CDH20: variants seen among roughly 807,000 people sequenced by gnomAD.
The protein encoded by CDH20 is cadherin 20, also known as cadherin-20.
Under a neutral mutation model 74.2 loss-of-function variants are expected in CDH20, and 29 were observed. The ratio of observed to expected loss-of-function variants is 0.39; its 90% CI spans 0.29 to 0.53. The LOEUF is 0.53. Among genes scored for constraint, CDH20 ranks in the 20% least tolerant of loss-of-function variants. The pLI, the probability that CDH20 is intolerant of heterozygous loss-of-function variation, is 0.69. For synonymous variants in CDH20, 469 were observed against 405.4 expected (o/e 1.16, Z -1.88); for missense variants, 988 against 1,048.3 (o/e 0.94, Z 0.79).
At chr18:61,514,671 G>A (rs1209234900) in intron 6 of CDH20, among the ~76,000 whole-genome samples, 7 of 149,974 alleles carry the variant, frequency 4.7e-5, no homozygotes, top group Non-Finnish European at 1.0e-4. Flanking sequence ...TGTACAGATG[G>A]GTTTTTGGTG....
intron 1 of CDH20, among the ~76,000 whole-genome samples, chr18:61,373,178 A>G (rs1026994182): frequency 6.6e-6 from 1 of 152,042 alleles, no homozygotes; most frequent in Non-Finnish European, 1.5e-5. Flanking sequence ...ACAGATGAAA[A>G]AAAAAAAGAA....
chr18:61,504,333 T>C (rs747079099), intron 5 of CDH20, among the ~76,000 whole-genome samples: 1 of 152,150 alleles, frequency 6.6e-6, no homozygotes, highest in Non-Finnish European at 1.5e-5. Flanking sequence ...TGAGGAAACA[T>C]GGACTTCTGC....
chr18:61,411,387 AG>A (rs1272878120), intron 1 of CDH20, among the ~76,000 whole-genome samples: 1 of 152,150 alleles, frequency 6.6e-6, no homozygotes, highest in Non-Finnish European at 1.5e-5. Flanking sequence ...CATTTGATCC[AG>A]CAATCCCACT....
intron 6 of CDH20, among the ~76,000 whole-genome samples, chr18:61,518,165 C>A (rs953620159): frequency 6.6e-6 from 1 of 152,142 alleles, no homozygotes; most frequent in African/African-American, 2.4e-5. Flanking sequence ...GAAAAAACAC[C>A]TGGGGGAAGG....
chr18:61,495,490 G>A (rs534883816), intron 2 of CDH20, among the ~76,000 whole-genome samples: 7 of 152,126 alleles, frequency 4.6e-5, no homozygotes, highest in African/African-American at 1.4e-4. Flanking sequence ...TCTGCCTGCC[G>A]GTAGAAGGTA....
intron 1 of CDH20, among the ~76,000 whole-genome samples, chr18:61,424,052 G>A (rs948029816): frequency 8.5e-5 from 13 of 152,152 alleles, no homozygotes; most frequent in Non-Finnish European, 1.3e-4. Context: ...ATGCAGACTT[G>A]AGTATATGCA....
intron 1 of CDH20, among the ~76,000 whole-genome samples, chr18:61,406,743 A>T (rs1912342540): frequency 6.6e-6 from 1 of 152,228 alleles, no homozygotes; most frequent in Non-Finnish European, 1.5e-5. Flanking sequence ...AAAGCGGAGG[A>T]ATTCAGGCAG....
Position 61,353,068 on chromosome 18 carries a change from T to A in CDH20, c.-153+19241T>A, listed in dbSNP as rs1036150272. Among the ~76,000 whole-genome samples the A allele has an allele frequency of 6.6e-6, 1 of 152,192 alleles. No homozygotes were observed. Among genetic ancestry groups the A allele is most frequent in the Non-Finnish European group, 1.5e-5 (1 of 68,032 alleles). On this transcript the variant is annotated intron_variant, in intron 1 of 11. Coordinates refer to ENST00000262717, the MANE Select transcript of CDH20 (RefSeq NM_031891.4). The surrounding 1 kb of genome is among the most constrained non-coding windows in gnomAD (Gnocchi z 4.6). Reference sequence around the variant, plus strand: ...GCAACCTTCACATGCTGTCCATAGCTTCTATTTTATGGCTACCCTGGTCAC... The same window carrying A: ...GCAACCTTCACATGCTGTCCATAGCATCTATTTTATGGCTACCCTGGTCAC...
At chr18:61,487,550 T>C (rs540873494) in intron 1 of CDH20, among the ~76,000 whole-genome samples, 11 of 152,298 alleles carry the variant, frequency 7.2e-5, no homozygotes, top group Middle Eastern at 3.4e-3. Context: ...CTTTGTGATT[T>C]GGGGTGTGTA....
At chr18:61,401,264 C>A (rs917849059) in intron 1 of CDH20, among the ~76,000 whole-genome samples, 1 of 152,100 alleles carries the variant, frequency 6.6e-6, no homozygotes, top group Admixed American at 6.6e-5. Flanking sequence ...CCCAACCTAT[C>A]CTTTGAAAAA....
chr18:61,555,584 T>G lies in CDH20; in HGVS notation c.*889T>G, dbSNP rs1278733426. 1 of 985,126 alleles carries G rather than the reference T, an allele frequency of 1.0e-6. No individual in the cohort carries two copies. Among genetic ancestry groups the G allele is most frequent in the Non-Finnish European group, 1.2e-6 (1 of 829,762 alleles). 61.0% of individuals were successfully genotyped at this position (985,126 alleles called of 1,614,324 possible). A position where few individuals can be genotyped will look rare whatever the true frequency, so the allele number is the denominator to read the frequency against. ...GGTTAGAGGGCTTTCCTAATCTGTG[T>G]GAGGTCAATCCAAGGGATGTTTACA... On this transcript the variant is annotated 3_prime_UTR_variant, in exon 12 of 12. Coordinates refer to ENST00000262717, the MANE Select transcript of CDH20 (RefSeq NM_031891.4).
chr18:61,403,593 A>G (rs928219560), intron 1 of CDH20, among the ~76,000 whole-genome samples: 4 of 152,172 alleles, frequency 2.6e-5, no homozygotes, highest in Non-Finnish European at 5.9e-5. Flanking sequence ...CAGGCTGAGA[A>G]GCACTGTAGC....
At chr18:61,469,831 A>T (rs1440623371) in intron 1 of CDH20, among the ~76,000 whole-genome samples, 1 of 152,240 alleles carries the variant, frequency 6.6e-6, no homozygotes, top group Non-Finnish European at 1.5e-5. Flanking sequence ...ACATACACAC[A>T]TGCTTACTAC....
chr18:61,550,709 T>C (rs1399781225), intron 11 of CDH20, among the ~76,000 whole-genome samples: 3 of 152,166 alleles, frequency 2.0e-5, no homozygotes, highest in African/African-American at 7.2e-5. Flanking sequence ...CTATATACAC[T>C]GGGCACCCCT....
chr18:61,498,253 A>G (rs1253361934), intron 2 of CDH20, among the ~76,000 whole-genome samples: 1 of 152,054 alleles, frequency 6.6e-6, no homozygotes, highest in Non-Finnish European at 1.5e-5. Context: ...TATAAAAACT[A>G]GCCAGGCATT....
At chr18:61,527,839 C>G in intron 6 of CDH20, 128 bp from the exon 7 acceptor site, 1 of 853,158 alleles carries the variant, frequency 1.2e-6, no homozygotes, top group South Asian at 1.7e-5. Flanking sequence ...TCCCGTTTAC[C>G]TTTTTCCCAC....
At chr18:61,364,714 G>A (rs557814443) in intron 1 of CDH20, among the ~76,000 whole-genome samples, 1 of 152,180 alleles carries the variant, frequency 6.6e-6, no homozygotes, top group Non-Finnish European at 1.5e-5. Context: ...GCGCATGTCA[G>A]CTCTCCTTCC....
At chr18:61,352,005 G>A (rs1910321479) in intron 1 of CDH20, among the ~76,000 whole-genome samples, 1 of 152,138 alleles carries the variant, frequency 6.6e-6, no homozygotes, top group Non-Finnish European at 1.5e-5. Flanking sequence ...ATTTAAAAGT[G>A]CTTATTAAGA....
At chr18:61,426,102 G>T (rs1307093536) in intron 1 of CDH20, among the ~76,000 whole-genome samples, 1 of 151,682 alleles carries the variant, frequency 6.6e-6, no homozygotes, top group Non-Finnish European at 1.5e-5. Flanking sequence ...TAGTTTTGGG[G>T]TTTTTTAATG....
Sources: allele counts gnomAD v4.1 joint callset (sites outside exome capture counted in the v4.1 genomes callset), GRCh38; gene constraint gnomAD v4.1.1; non-coding constraint Gnocchi (gnomAD v3.1); transcripts MANE v1.5; gene names NCBI Gene and HGNC (gene_info 2026-07-23, HGNC 2026-07-21).